P2RY8: variants seen among roughly 807,000 people sequenced by gnomAD.
P2RY8 encodes P2Y receptor family member 8, also known as S-geranylgeranyl-glutathione receptor P2RY8.
In P2RY8, 6 loss-of-function variants were observed where a neutral mutation model predicts 10.0. That is an observed-to-expected ratio of 0.60 (90% CI 0.33 to 1.19). P2RY8 has a LOEUF of 1.19. P2RY8 is among the 50% of genes most tolerant of loss of function. P2RY8 has a pLI of 0.04. For missense variants in P2RY8, 456 were observed against 542.0 expected, an observed-to-expected ratio of 0.84 and a Z score of 1.58; for synonymous variants, 276 against 252.5, an observed-to-expected ratio of 1.09 and a Z score of -0.88.
At chrX:1,512,635 G>A (rs1410640774) in intron 1 of P2RY8, among the ~76,000 whole-genome samples, 5 of 151,872 alleles carry the variant, frequency 3.3e-5, no homozygotes, top group Admixed American at 1.3e-4. Context: ...CACATGGCTA[G>A]GGAGACCTCG....
In P2RY8 at chrX:1,503,128, C is replaced by CCA. The variant is rs111908405; in HGVS notation, c.-25+33791_-25+33792dup. Among the ~76,000 whole-genome samples, 227 of 151,328 alleles carry CCA rather than the reference C, an allele frequency of 1.5e-3. 2 individuals are homozygous for CCA. Among genetic ancestry groups the CCA allele is most frequent in the African/African-American group, 5.4e-3 (222 of 41,184 alleles). On this transcript the variant is annotated intron_variant, in intron 1 of 1. Transcript: ENST00000381297. Reference sequence around the variant, plus strand: ...GGAGACGCAGACACAGAGGAGAAGGCCACGTGGAGACGGAGACAGAGCCTG... The same window carrying CCA: ...GGAGACGCAGACACAGAGGAGAAGGCCACACGTGGAGACGGAGACAGAGCCTG...
intron 1 of P2RY8, among the ~76,000 whole-genome samples, chrX:1,533,202 C>A (rs1468640547): frequency 3.3e-5 from 5 of 150,440 alleles, no homozygotes; most frequent in African/African-American, 1.2e-4. Context: ...CCTCGTGTAA[C>A]CAAATGGCAC....
At chrX:1,521,033 TC>T (rs68050844) in intron 1 of P2RY8, among the ~76,000 whole-genome samples, 55,710 of 103,398 alleles carry the variant, frequency 0.54, 15,624 homozygotes, top group East Asian at 0.82. Context: ...ATTTTTCTTT[TC>T]TTTTTTTTTT....
At chrX:1,526,866 A>G (rs1357333302) in intron 1 of P2RY8, among the ~76,000 whole-genome samples, 1 of 152,114 alleles carries the variant, frequency 6.6e-6, no homozygotes, top group Admixed American at 6.6e-5. Context: ...TCACTAAATC[A>G]TTTATTCATC....
intron 1 of P2RY8, among the ~76,000 whole-genome samples, chrX:1,533,831 A>G (rs1377239959): frequency 8.4e-6 from 1 of 119,718 alleles, no homozygotes; most frequent in Non-Finnish European, 1.6e-5. Context: ...TATATTATAT[A>G]CTTATATTTA....
chrX:1,515,052 G>A (rs747880433), intron 1 of P2RY8, among the ~76,000 whole-genome samples: 4 of 149,840 alleles, frequency 2.7e-5, no homozygotes, highest in Non-Finnish European at 3.0e-5. Context: ...GGGATTACAG[G>A]CACCCACCAC....
chrX:1,509,372 T>A (rs760354204), intron 1 of P2RY8, among the ~76,000 whole-genome samples: 1 of 127,186 alleles, frequency 7.9e-6, no homozygotes. Context: ...TCCATCCATC[T>A]ATTCTATCTA....
rs2149370380 is a variant in P2RY8, at chrX:1,466,323, T to C, written c.236A>G (p.Gln79Arg). ...GTGGCGGTTGCAATGGTAGTAGATT[T>C]GGAAAGGCAACACGCTGGCCAGCAT... ...DLMLASVLPF[Q>R]IYYHCNRHHW... The change falls in exon 2 of 2, where the codon CAA (glutamine) becomes CGA (arginine). Residue 79 changes from glutamine to arginine, a missense_variant. Physicochemically the swap from Gln to Arg is conservative, Grantham distance 43. Coordinates refer to ENST00000381297, the MANE Select transcript of P2RY8 (RefSeq NM_178129.5). The C allele has an allele frequency of 6.2e-7, 1 of 1,613,768 alleles. No individual in the cohort carries two copies. Among genetic ancestry groups the C allele is most frequent in the Non-Finnish European group, 8.5e-7 (1 of 1,179,830 alleles).
chrX:1,504,278 T>C (rs1304190327), intron 1 of P2RY8, among the ~76,000 whole-genome samples: 1 of 150,542 alleles, frequency 6.6e-6, no homozygotes, highest in African/African-American at 2.4e-5. Flanking sequence ...ATGGCGCCAC[T>C]GCACTCCAGC....
intron 1 of P2RY8, among the ~76,000 whole-genome samples, chrX:1,497,211 G>C (rs1458760533): frequency 2.0e-5 from 2 of 97,760 alleles, no homozygotes; most frequent in Non-Finnish European, 3.7e-5. Flanking sequence ...GACAGAGTGG[G>C]ACTCCGTCTC....
In P2RY8 at chrX:1,491,532, C is replaced by T. The variant is rs142383447; in HGVS notation, c.-24-24950G>A. Among the ~76,000 whole-genome samples the T allele has an allele frequency of 3.5e-3, 525 of 152,140 alleles. 3 individuals are homozygous for T. The highest frequency in any genetic ancestry group is 0.012 in the African/African-American group (497 of 41,422). On this transcript the variant is annotated intron_variant, in intron 1 of 1. Coordinates refer to ENST00000381297, the MANE Select transcript of P2RY8 (RefSeq NM_178129.5). ...TAAATGAAAGAGTGAATGCATGATG[C>T]CCACTAGTTCCTGACAAGTGTGGAG...
intron 1 of P2RY8, among the ~76,000 whole-genome samples, chrX:1,480,516 TA>T (rs10715184): frequency 0.53 from 80,870 of 151,500 alleles, 21,802 homozygotes; most frequent in South Asian, 0.65. Flanking sequence ...GCCTCCTGTG[TA>T]AGCTGGGACA....
chrX:1,535,571 G>T (rs1213157483), intron 1 of P2RY8, among the ~76,000 whole-genome samples: 2 of 151,958 alleles, frequency 1.3e-5, no homozygotes, highest in Non-Finnish European at 2.9e-5. Flanking sequence ...GAGATTGAAC[G>T]GCGCAGTCAG....
intron 1 of P2RY8, among the ~76,000 whole-genome samples, chrX:1,528,796 CT>C (rs1238881276): frequency 1.3e-5 from 2 of 151,362 alleles, no homozygotes; most frequent in East Asian, 3.9e-4. Context: ...GGATTTGAGT[CT>C]CTTTGATTGC....
intron 1 of P2RY8, among the ~76,000 whole-genome samples, chrX:1,533,564 TTATTATTTAAATATATTATATA>T: frequency 1.2e-4 from 1 of 8,258 alleles, no homozygotes; most frequent in South Asian, 0.013. Flanking sequence ...ACTTATATAT[TTATTATTTAAATATATTATATA>T]CTTATATATT....
At chrX:1,494,444 T>C (rs1364558859) in intron 1 of P2RY8, 12 of 152,110 alleles carry the variant, frequency 7.9e-5, no homozygotes, top group African/African-American at 2.9e-4. Flanking sequence ...GCTTCCTCTT[T>C]TTGGCCCTGG....
At chrX:1,479,300 G>C (rs1227051845) in intron 1 of P2RY8, among the ~76,000 whole-genome samples, 2 of 152,202 alleles carry the variant, frequency 1.3e-5, no homozygotes, top group Non-Finnish European at 2.9e-5. Flanking sequence ...ATGTCTTGTG[G>C]TGTCTCTAAC....
intron 1 of P2RY8, among the ~76,000 whole-genome samples, chrX:1,484,751 A>AAAAAAAAAC (rs2091972075): frequency 9.3e-6 from 1 of 107,160 alleles, no homozygotes. Context: ...AAAAAAAAGA[A>AAAAAAAAAC]GAAGAAGAAG....
In P2RY8 at chrX:1,500,889, G is replaced by C. The variant is rs763871435; in HGVS notation, c.-24-34307C>G. On this transcript the variant is annotated intron_variant, in intron 1 of 1. Coordinates refer to ENST00000381297, the MANE Select transcript of P2RY8 (RefSeq NM_178129.5). ...CAGGAAAGCCCCCAGCAGCACCCAG[G>C]CTCCGAGGTTCTGGGAGACACAACC... Among the ~76,000 whole-genome samples, 260 of 152,228 alleles carry C rather than the reference G, an allele frequency of 1.7e-3. 1 individual carries two copies. Among genetic ancestry groups the C allele is most frequent in the Non-Finnish European group, 3.3e-3 (222 of 68,002 alleles).
Sources: allele counts gnomAD v4.1 joint callset (sites outside exome capture counted in the v4.1 genomes callset), GRCh38; gene constraint gnomAD v4.1.1; transcripts MANE v1.5; gene names NCBI Gene and HGNC (gene_info 2026-07-23, HGNC 2026-07-21).